Variants in CTNND2 observed in about 807,000 individuals in gnomAD.
CTNND2 encodes the protein catenin delta-2.
A neutral mutation model predicts 144.4 loss-of-function variants in CTNND2; 22 were observed. The observed-to-expected ratio is 0.15, with a 90% CI of 0.11 to 0.22. CTNND2 has a LOEUF of 0.22. Among genes scored for constraint, CTNND2 ranks in the 10% least tolerant of loss-of-function variants. The probability of loss-of-function intolerance (pLI) is 1.00; values close to 1 mark genes in which losing one functional copy is unlikely to be tolerated. For missense variants in CTNND2, 1,353 were observed against 1,618.8 expected (o/e 0.84, Z 2.82); for synonymous variants, 751 against 695.6 (o/e 1.08, Z -1.25).
intron 3 of CTNND2, among the ~76,000 whole-genome samples, chr5:11,481,799 T>C (rs906993394): frequency 6.6e-6 from 1 of 152,152 alleles, no homozygotes; most frequent in Non-Finnish European, 1.5e-5. Flanking sequence ...AAAAAATTGA[T>C]TCCTGTCTGT....
At chr5:11,377,873 C>G (rs569126715) in intron 7 of CTNND2, among the ~76,000 whole-genome samples, 22 of 152,250 alleles carry the variant, frequency 1.4e-4, no homozygotes, top group African/African-American at 5.1e-4. Context: ...AATAGAGGTG[C>G]TATATCAAAT....
At chr5:11,621,005 T>A (rs963459112) in intron 2 of CTNND2, among the ~76,000 whole-genome samples, 6 of 152,198 alleles carry the variant, frequency 3.9e-5, no homozygotes, top group Admixed American at 3.9e-4. Context: ...CAAGAATAGT[T>A]GTAGGTCCTG....
chr5:11,294,743 C>T (rs577650225), intron 9 of CTNND2, among the ~76,000 whole-genome samples: 1 of 152,286 alleles, frequency 6.6e-6, no homozygotes, highest in Admixed American at 6.5e-5. Context: ...ACATGATTAT[C>T]TCAATAGATG....
chr5:11,303,798 T>A (rs1300733673), intron 9 of CTNND2, among the ~76,000 whole-genome samples: 1 of 152,192 alleles, frequency 6.6e-6, no homozygotes, highest in Admixed American at 6.5e-5. Flanking sequence ...GAAGATAACG[T>A]TGATATGGTT....
At chr5:11,661,492 G>T (rs143045328) in intron 2 of CTNND2, among the ~76,000 whole-genome samples, 1 of 152,142 alleles carries the variant, frequency 6.6e-6, no homozygotes, top group East Asian at 1.9e-4. Flanking sequence ...TAGAATAAGC[G>T]ATCTAAGATG....
intron 9 of CTNND2, among the ~76,000 whole-genome samples, chr5:11,299,273 C>T (rs1027086713): frequency 1.3e-5 from 2 of 152,092 alleles, no homozygotes; most frequent in Non-Finnish European, 2.9e-5. Flanking sequence ...GTTTAGCTAC[C>T]ATTTGTGTAT....
At chr5:11,369,772 G>A (rs1414431904) in intron 7 of CTNND2, among the ~76,000 whole-genome samples, 1 of 151,202 alleles carries the variant, frequency 6.6e-6, no homozygotes, top group Admixed American at 6.8e-5. Context: ...AGGTTGTGGT[G>A]TTGGGATAGG....
intron 1 of CTNND2, among the ~76,000 whole-genome samples, chr5:11,829,429 A>G (rs1793770024): frequency 6.6e-6 from 1 of 152,176 alleles, no homozygotes; most frequent in African/African-American, 2.4e-5. Flanking sequence ...TGCTGTGTAC[A>G]GCCTAGGGAC....
intron 10 of CTNND2, among the ~76,000 whole-genome samples, chr5:11,223,030 C>A (rs1739954334): frequency 2.6e-5 from 4 of 152,178 alleles, no homozygotes; most frequent in Admixed American, 2.6e-4. Context: ...GGCCACCAGG[C>A]CACTGCCTAT....
intron 3 of CTNND2, among the ~76,000 whole-genome samples, chr5:11,485,366 TGTGTGTGTGCGCGC>T (rs1440302737): frequency 7.9e-6 from 1 of 126,444 alleles, no homozygotes; most frequent in Non-Finnish European, 1.8e-5. Context: ...TGTGTGTGTG[TGTGTGTGTGCGCGC>T]GCGCGCGTGC....
intron 3 of CTNND2, among the ~76,000 whole-genome samples, chr5:11,470,201 C>T (rs1009658180): frequency 9.2e-5 from 14 of 151,994 alleles, no homozygotes; most frequent in African/African-American, 2.7e-4. Context: ...TTTGGGAGGC[C>T]GAGACAGGCG....
chr5:11,511,498 G>A (rs1378898744), intron 3 of CTNND2, among the ~76,000 whole-genome samples: 1 of 152,088 alleles, frequency 6.6e-6, no homozygotes, highest in African/African-American at 2.4e-5. Flanking sequence ...CCCTCACATC[G>A]ACCATTCCCA....
intron 12 of CTNND2, among the ~76,000 whole-genome samples, chr5:11,147,079 G>A (rs1398166587): frequency 2.6e-5 from 4 of 152,194 alleles, no homozygotes; most frequent in African/African-American, 7.2e-5. Flanking sequence ...TCAGGTAGGA[G>A]CTATTTATTC....
At chr5:11,231,269 G>C (rs1011098277) in intron 10 of CTNND2, among the ~76,000 whole-genome samples, 2 of 152,148 alleles carry the variant, frequency 1.3e-5, no homozygotes, top group Non-Finnish European at 2.9e-5. Flanking sequence ...CCAGGAGTGG[G>C]CTGTTGTTGT....
intron 3 of CTNND2, among the ~76,000 whole-genome samples, chr5:11,530,793 G>C (rs1009258619): frequency 6.6e-6 from 1 of 152,138 alleles, no homozygotes; most frequent in Admixed American, 6.5e-5. Flanking sequence ...CAAACATGAT[G>C]GTGTGGATTT....
intron 21 of CTNND2, among the ~76,000 whole-genome samples, chr5:10,980,539 T>C (rs1469789741): frequency 1.3e-5 from 2 of 152,206 alleles, no homozygotes; most frequent in East Asian, 3.9e-4. Flanking sequence ...AGTGATCCCA[T>C]TACTGGGTAT....
chr5:11,359,822 A>G (rs906690137), intron 8 of CTNND2, among the ~76,000 whole-genome samples: 14 of 152,292 alleles, frequency 9.2e-5, no homozygotes, highest in Non-Finnish European at 1.5e-4. Context: ...GAACCCCTTT[A>G]GACCATGTTC....
chr5:11,448,286 G>A (rs1765005228), intron 3 of CTNND2, among the ~76,000 whole-genome samples: 1 of 152,082 alleles, frequency 6.6e-6, no homozygotes, highest in African/African-American at 2.4e-5. Context: ...TTTATGTGCT[G>A]AATTTGTTAT....
chr5:11,326,040 T>C (rs951434486), intron 9 of CTNND2, among the ~76,000 whole-genome samples: 13 of 152,170 alleles, frequency 8.5e-5, no homozygotes, highest in Admixed American at 2.6e-4. Context: ...TACACACACA[T>C]GCGCCACCTC....
Sources: gnomAD v4.1 joint callset for allele counts (sites outside exome capture counted in the v4.1 genomes callset) on GRCh38, gnomAD v4.1.1 for gene constraint, MANE v1.5 for transcripts, NCBI Gene and HGNC (gene_info 2026-07-23, HGNC 2026-07-21) for gene names.